Variants in CADPS2 observed in about 807,000 individuals in gnomAD.
The protein encoded by CADPS2 is calcium dependent secretion activator 2.
A neutral mutation model predicts 172.5 loss-of-function variants in CADPS2; 93 were observed. That is an observed-to-expected ratio of 0.54 (90% CI 0.46 to 0.64). CADPS2 has a LOEUF of 0.64. CADPS2 is among the 30% of genes least tolerant of loss of function. CADPS2 has a pLI of 0.00. For synonymous variants in CADPS2, 546 were observed against 555.2 expected (o/e 0.98, Z 0.23); for missense variants, 1,420 against 1,565.9 (o/e 0.91, Z 1.57).
chr7:122,358,901 T>G (rs952123277), intron 27 of CADPS2, among the ~76,000 whole-genome samples: 1 of 152,162 alleles, frequency 6.6e-6, no homozygotes, highest in Non-Finnish European at 1.5e-5. Context: ...ACTGATAAGC[T>G]AGAATTCCTC....
Position 122,393,451 on chromosome 7 carries a change from G to A in CADPS2, c.2878C>T (p.Gln960Ter), listed in dbSNP as rs199643380. ...IHRGFEQETW[Q>*]PVKNIANSLP... ...AGGTAAGATACCTACTTGACAGGCTGCCATGTCTCCTGCTCAAAACCTCTG... is the reference window on the plus strand; with the variant it reads ...AGGTAAGATACCTACTTGACAGGCTACCATGTCTCCTGCTCAAAACCTCTG... Residue 960 changes from glutamine (Q) to a stop codon, truncating the protein, a stop_gained, in exon 21 of 30, where the codon CAG becomes TAG. Coordinates refer to ENST00000449022, the MANE Select transcript of CADPS2 (RefSeq NM_017954.11). LOFTEE classifies it high-confidence loss of function. 2 of 1,613,724 alleles carry A rather than the reference G, an allele frequency of 1.2e-6. No homozygotes were observed. Among genetic ancestry groups the A allele is most frequent in the African/African-American group, 1.3e-5 (1 of 74,880 alleles).
intron 2 of CADPS2, chr7:122,681,249 G>A: frequency 1.3e-6 from 1 of 741,560 alleles, no homozygotes; most frequent in Non-Finnish European, 2.4e-6. Context: ...TGCACAATGT[G>A]CACATGTACC....
At chr7:122,552,775 G>GTTTTTTTTTTT (rs61517518) in intron 8 of CADPS2, among the ~76,000 whole-genome samples, 5 of 137,096 alleles carry the variant, frequency 3.6e-5, no homozygotes, top group Non-Finnish European at 4.7e-5. Flanking sequence ...ATAGGTTCCT[G>GTTTTTTTTTTT]TTTTTTTTTT....
At chr7:122,748,646 A>T (rs2092820971) in intron 1 of CADPS2, among the ~76,000 whole-genome samples, 1 of 152,116 alleles carries the variant, frequency 6.6e-6, no homozygotes, top group Non-Finnish European at 1.5e-5. Flanking sequence ...TTCTTTCTTG[A>T]CCAGGTATTA....
intron 17 of CADPS2, among the ~76,000 whole-genome samples, chr7:122,434,378 C>CT: frequency 6.6e-6 from 1 of 152,058 alleles, no homozygotes; most frequent in South Asian, 2.1e-4. Flanking sequence ...TAATAGAAGA[C>CT]TTCAGTTAAA....
chr7:122,501,297 A>G (rs1288521491), intron 9 of CADPS2, among the ~76,000 whole-genome samples: 1 of 152,114 alleles, frequency 6.6e-6, no homozygotes, highest in Non-Finnish European at 1.5e-5. Flanking sequence ...ATAGAATTAT[A>G]GATTTTGATT....
chr7:122,703,576 T>C (rs1035278704), intron 2 of CADPS2, among the ~76,000 whole-genome samples: 2 of 152,084 alleles, frequency 1.3e-5, no homozygotes, highest in Non-Finnish European at 2.9e-5. Context: ...TGGACATATA[T>C]TGGAGAAGAA....
rs375330366 is a variant in CADPS2 at position 122,761,936 on chromosome 7, T to C, written c.340-24868A>G. ...TCTCTTGAACCCAGGAGGCAGATGT[T>C]GCAGTTAGCCATGATCATGCCACTA... On this transcript the variant is annotated intron_variant, in intron 1 of 29. Coordinates refer to ENST00000449022, the MANE Select transcript of CADPS2 (RefSeq NM_017954.11). Among the ~76,000 whole-genome samples, 130 of 147,106 alleles carry C rather than the reference T, an allele frequency of 8.8e-4. 3 individuals carry two copies. The East Asian group carries it at 0.021, about 23-fold the overall frequency.
chr7:122,380,668 C>T (rs2042893292), intron 24 of CADPS2, among the ~76,000 whole-genome samples: 1 of 152,000 alleles, frequency 6.6e-6, no homozygotes, highest in South Asian at 2.1e-4. Flanking sequence ...TTTTCTTTTT[C>T]TGTGTGAGTC....
chr7:122,654,459 T>C (rs539188863), intron 3 of CADPS2, among the ~76,000 whole-genome samples: 3 of 152,356 alleles, frequency 2.0e-5, no homozygotes, highest in Admixed American at 2.0e-4. Flanking sequence ...TTGAAGCTAA[T>C]GCTCACTTAC....
At chr7:122,756,648 CAGCACTTT>C in intron 1 of CADPS2, among the ~76,000 whole-genome samples, 1 of 152,144 alleles carries the variant, frequency 6.6e-6, no homozygotes, top group East Asian at 1.9e-4. Context: ...CCTGTAATCC[CAGCACTTT>C]GAGAGGTGGC....
At chr7:122,406,125 G>T (rs1246720218) in intron 20 of CADPS2, among the ~76,000 whole-genome samples, 1 of 152,084 alleles carries the variant, frequency 6.6e-6, no homozygotes. Flanking sequence ...GATGTCCATG[G>T]AAAGTACAAT....
chr7:122,571,039 TAAAA>T (rs1369199335), intron 7 of CADPS2, among the ~76,000 whole-genome samples: 1 of 151,616 alleles, frequency 6.6e-6, no homozygotes, highest in Non-Finnish European at 1.5e-5. Flanking sequence ...ATAATAATAA[TAAAA>T]AAATTTAAAA....
intron 1 of CADPS2, among the ~76,000 whole-genome samples, chr7:122,870,185 C>G (rs375702706): frequency 6.6e-6 from 1 of 151,930 alleles, no homozygotes; most frequent in African/African-American, 2.4e-5. Context: ...GAAGATGCAA[C>G]TACCCAACTA....
intron 20 of CADPS2, among the ~76,000 whole-genome samples, chr7:122,405,228 T>A (rs2046499544): frequency 1.3e-5 from 2 of 152,252 alleles, no homozygotes; most frequent in African/African-American, 4.8e-5. Context: ...GCAGGTTTAC[T>A]GTTATACATT....
intron 1 of CADPS2, among the ~76,000 whole-genome samples, chr7:122,771,281 G>C (rs2093697006): frequency 6.6e-6 from 1 of 152,190 alleles, no homozygotes; most frequent in Non-Finnish European, 1.5e-5. Flanking sequence ...AAAAGGATTA[G>C]ACTAATCTTT....
chr7:122,674,719 A>G (rs2082226205), intron 2 of CADPS2, among the ~76,000 whole-genome samples: 1 of 152,224 alleles, frequency 6.6e-6, no homozygotes. Flanking sequence ...AATGACGAGA[A>G]AAACATTATC....
At chr7:122,750,058 CA>C (rs1186799873) in intron 1 of CADPS2, among the ~76,000 whole-genome samples, 1 of 150,938 alleles carries the variant, frequency 6.6e-6, no homozygotes, top group East Asian at 1.9e-4. Context: ...AGCTATCATT[CA>C]AGTAATTATC....
At chr7:122,443,854 C>A (rs2402611) in intron 15 of CADPS2, among the ~76,000 whole-genome samples, 1 of 151,574 alleles carries the variant, frequency 6.6e-6, no homozygotes, top group African/African-American at 2.4e-5. Flanking sequence ...CTTTCCACTA[C>A]GGAAGAGAAG....
Sources: allele counts gnomAD v4.1 joint callset (sites outside exome capture counted in the v4.1 genomes callset), GRCh38; gene constraint gnomAD v4.1.1; transcripts MANE v1.5; gene names NCBI Gene and HGNC (gene_info 2026-07-23, HGNC 2026-07-21).